The following DCC variants were observed in gnomAD, a reference collection of about 807,000 sequenced individuals.
The protein encoded by DCC is DCC netrin 1 receptor.
DCC carries 58 observed loss-of-function variants against 172.5 expected under a neutral mutation model. The observed-to-expected ratio is 0.34, with a 90% CI of 0.27 to 0.42. The LOEUF (loss-of-function observed/expected upper bound fraction) is 0.42. Ranked by LOEUF, DCC falls within the 10% of genes least tolerant of loss-of-function variation. The pLI is 1.00. For synonymous variants in DCC, 709 were observed against 644.5 expected, an observed-to-expected ratio of 1.10 and a Z score of -1.52; for missense variants, 1,740 against 1,791.0, an observed-to-expected ratio of 0.97 and a Z score of 0.51.
intron 1 of DCC, among the ~76,000 whole-genome samples, chr18:52,673,774 G>T (rs2035598770): frequency 6.6e-6 from 1 of 152,202 alleles, no homozygotes; most frequent in Admixed American, 6.5e-5. Flanking sequence ...AGTCACAGAA[G>T]AGAGAATATT....
At chr18:53,244,107 C>G (rs2056338441) in intron 12 of DCC, among the ~76,000 whole-genome samples, 1 of 152,126 alleles carries the variant, frequency 6.6e-6, no homozygotes, top group South Asian at 2.1e-4. Flanking sequence ...ACGGATTTTT[C>G]AATTCACTTT....
chr18:52,782,505 G>C (rs753877895), intron 2 of DCC, among the ~76,000 whole-genome samples: 2 of 151,736 alleles, frequency 1.3e-5, no homozygotes, highest in Non-Finnish European at 2.9e-5. Context: ...GCACACTCTA[G>C]TGTCCCAAAT....
At chr18:52,392,113 A>C (rs1986051940) in intron 1 of DCC, among the ~76,000 whole-genome samples, 1 of 152,190 alleles carries the variant, frequency 6.6e-6, no homozygotes, top group African/African-American at 2.4e-5. Flanking sequence ...TGTGAATAAG[A>C]AGCCACTTGA....
At position 53,000,581 on chromosome 18, in the gene DCC, CATT is replaced by C. The variant is rs1182863135; in HGVS notation, c.986-62723_986-62721del. On this transcript the variant is annotated intron_variant, in intron 5 of 28. Coordinates refer to ENST00000442544, the MANE Select transcript of DCC (RefSeq NM_005215.4). Reference sequence around the variant, plus strand: ...TCACCATGTTTAGGATATCAGCTTACATTCTTTTTTTTTTTTTTTTTTTTTTTT... The same window carrying C: ...TCACCATGTTTAGGATATCAGCTTACCTTTTTTTTTTTTTTTTTTTTTTTT... Among the ~76,000 whole-genome samples, 12 of 122,986 alleles carry C rather than the reference CATT, an allele frequency of 9.8e-5. No individual in the cohort carries two copies. The East Asian group carries it at 2.3e-3, about 24-fold the overall frequency. The allele number at this position is 122,986 out of a possible 152,430, so 80.7% of individuals were successfully genotyped here. A position where few individuals can be genotyped will look rare whatever the true frequency, so the allele number is the denominator to read the frequency against.
At chr18:52,969,669 C>T (rs2040997952) in intron 5 of DCC, among the ~76,000 whole-genome samples, 2 of 150,670 alleles carry the variant, frequency 1.3e-5, no homozygotes, top group Non-Finnish European at 3.0e-5. Flanking sequence ...TCAGTCCTCT[C>T]CAACATTCTA....
intron 10 of DCC, among the ~76,000 whole-genome samples, chr18:53,206,516 A>G (rs1180703623): frequency 5.7e-5 from 8 of 140,670 alleles, no homozygotes; most frequent in Non-Finnish European, 1.2e-4. Context: ...CTATGTATAT[A>G]CATGTATTAT....
chr18:53,418,681 T>TA (rs34116823), intron 21 of DCC, among the ~76,000 whole-genome samples: 1 of 152,110 alleles, frequency 6.6e-6, no homozygotes, highest in Non-Finnish European at 1.5e-5. Context: ...TTGATTGTCC[T>TA]AAAAAAAGTA....
intron 1 of DCC, among the ~76,000 whole-genome samples, chr18:52,442,998 T>G (rs1000386362): frequency 6.6e-6 from 1 of 150,772 alleles, no homozygotes; most frequent in Non-Finnish European, 1.5e-5. Context: ...TCCTTAACTT[T>G]CTTTCTATTT....
At chr18:52,413,930 A>G (rs1241346121) in intron 1 of DCC, among the ~76,000 whole-genome samples, 1 of 152,218 alleles carries the variant, frequency 6.6e-6, no homozygotes, top group Non-Finnish European at 1.5e-5. Context: ...CTGCAAATAG[A>G]ATGATTTGTC....
chr18:52,626,036 A>C (rs568024364), intron 1 of DCC, among the ~76,000 whole-genome samples: 1 of 152,022 alleles, frequency 6.6e-6, no homozygotes, highest in Non-Finnish European at 1.5e-5. Flanking sequence ...CAATGTACAT[A>C]CTCTCTCTAA....
intron 2 of DCC, among the ~76,000 whole-genome samples, chr18:52,866,910 T>A (rs2039237795): frequency 6.6e-6 from 1 of 152,188 alleles, no homozygotes; most frequent in Non-Finnish European, 1.5e-5. Context: ...GCACTTCCAA[T>A]ACTATGTTGA....
intron 15 of DCC, among the ~76,000 whole-genome samples, chr18:53,363,567 C>A (rs758176899): frequency 6.6e-6 from 1 of 152,154 alleles, no homozygotes; most frequent in Non-Finnish European, 1.5e-5. Context: ...GTGGCCCTCT[C>A]TCTTCCTCAC....
chr18:53,213,625 G>A lies in DCC; in HGVS notation c.1862-1923G>A, dbSNP rs183901854. Among the ~76,000 whole-genome samples the A allele has an allele frequency of 7.0e-3, 931 of 132,582 alleles. 18 individuals carry two copies. Among genetic ancestry groups the A allele is most frequent in the African/African-American group, 0.025 (867 of 34,596 alleles). 87.0% of individuals were successfully genotyped at this position (132,582 alleles called of 152,430 possible). ...ATCGTGCCACTGCACTCCAGCCTGG[G>A]TGACAGAGCGAGACTCCGTCTCAAA... is the stretch of plus-strand genomic sequence containing the variant. On this transcript the variant is annotated intron_variant, in intron 11 of 28. Coordinates refer to ENST00000442544, the MANE Select transcript of DCC (RefSeq NM_005215.4).
At chr18:52,550,415 T>G (rs1271436326) in intron 1 of DCC, among the ~76,000 whole-genome samples, 1 of 151,962 alleles carries the variant, frequency 6.6e-6, no homozygotes, top group Non-Finnish European at 1.5e-5. Flanking sequence ...ATATCCATAT[T>G]AGTTCGATAT....
intron 5 of DCC, among the ~76,000 whole-genome samples, chr18:53,014,990 A>C (rs988368428): frequency 6.6e-6 from 1 of 152,220 alleles, no homozygotes; most frequent in Non-Finnish European, 1.5e-5. Context: ...AATTAAAATT[A>C]GAATGCAACT....
intron 1 of DCC, among the ~76,000 whole-genome samples, chr18:52,536,156 C>G (rs574283451): frequency 1.3e-5 from 2 of 152,090 alleles, no homozygotes; most frequent in South Asian, 4.2e-4. Flanking sequence ...GCGGGAGGAA[C>G]AGTGATATGT....
At chr18:52,904,410 C>T (rs893125278) in intron 2 of DCC, among the ~76,000 whole-genome samples, 1 of 152,176 alleles carries the variant, frequency 6.6e-6, no homozygotes, top group Non-Finnish European at 1.5e-5. Flanking sequence ...TAAAATTTCA[C>T]CTTCACTTAG....
At chr18:53,309,493 T>C (rs62097992) in intron 13 of DCC, among the ~76,000 whole-genome samples, 45,485 of 152,132 alleles carry the variant, frequency 0.3, 8,750 homozygotes, top group Non-Finnish European at 0.44. Flanking sequence ...TCTAGGGGGA[T>C]ACCATTCAAA....
intron 9 of DCC, among the ~76,000 whole-genome samples, chr18:53,188,303 T>C (rs773989634): frequency 1.3e-5 from 2 of 152,296 alleles, no homozygotes; most frequent in Non-Finnish European, 2.9e-5. Flanking sequence ...TCCTAAACAA[T>C]GGGCTTACAA....
Sources: gnomAD v4.1 joint callset for allele counts (sites outside exome capture counted in the v4.1 genomes callset) on GRCh38, gnomAD v4.1.1 for gene constraint, MANE v1.5 for transcripts, NCBI Gene and HGNC (gene_info 2026-07-23, HGNC 2026-07-21) for gene names.